Variants in TTC1 observed in about 807,000 individuals in gnomAD.
TTC1 encodes the protein tetratricopeptide repeat domain 1.
Under a neutral mutation model 37.6 loss-of-function variants are expected in TTC1, and 31 were observed. That is an observed-to-expected ratio of 0.82 (90% CI 0.62 to 1.11). TTC1 has a LOEUF of 1.11. Among genes scored for constraint, TTC1 ranks in the 50% most tolerant of loss-of-function variants. The probability of loss-of-function intolerance (pLI) is 0.00; values close to 1 mark genes in which losing one functional copy is unlikely to be tolerated. For synonymous variants in TTC1, 127 were observed against 122.4 expected (o/e 1.04, Z -0.25); for missense variants, 351 against 339.0 (o/e 1.04, Z -0.28).
At chr5:160,035,646 A>T (rs1170370832) in intron 3 of TTC1, among the ~76,000 whole-genome samples, 1 of 151,966 alleles carries the variant, frequency 6.6e-6, no homozygotes, top group African/African-American at 2.4e-5. Context: ...TCTTTTTTTA[A>T]ATTCTCCAAA....
At chr5:160,023,030 C>T (rs1265739451) in intron 2 of TTC1, among the ~76,000 whole-genome samples, 2 of 151,952 alleles carry the variant, frequency 1.3e-5, no homozygotes, top group South Asian at 2.1e-4. Flanking sequence ...CCGAGGTGGG[C>T]GGATCACCTG....
At chr5:160,011,832 CT>C (rs1756506839) in intron 2 of TTC1, among the ~76,000 whole-genome samples, 1 of 152,128 alleles carries the variant, frequency 6.6e-6, no homozygotes, top group Non-Finnish European at 1.5e-5. Context: ...AAGGAGCTCA[CT>C]CACTGAACAG....
intron 7 of TTC1, among the ~76,000 whole-genome samples, chr5:160,055,814 A>G (rs1160536874): frequency 6.6e-6 from 1 of 152,252 alleles, no homozygotes; most frequent in Non-Finnish European, 1.5e-5. Context: ...CAGCCATGGC[A>G]CTGAGTTTTA....
intron 2 of TTC1, among the ~76,000 whole-genome samples, chr5:160,017,907 A>G (rs1015058249): frequency 1.3e-5 from 2 of 152,210 alleles, no homozygotes; most frequent in African/African-American, 4.8e-5. Flanking sequence ...TGAGGGATAC[A>G]GTGGTGAACA....
intron 2 of TTC1, among the ~76,000 whole-genome samples, chr5:160,034,890 A>G (rs1478754542): frequency 6.6e-6 from 1 of 152,244 alleles, no homozygotes; most frequent in Non-Finnish European, 1.5e-5. Context: ...AGATAGAAAC[A>G]TAGAAAGCAA....
chr5:160,022,612 T>A (rs1756731215), intron 2 of TTC1, among the ~76,000 whole-genome samples: 1 of 152,138 alleles, frequency 6.6e-6, no homozygotes. Flanking sequence ...CAGATAGGGG[T>A]ACTATGTTAG....
intron 7 of TTC1, chr5:160,061,874 A>G (rs900481332): frequency 1.3e-5 from 2 of 152,338 alleles, no homozygotes; most frequent in African/African-American, 4.8e-5. Context: ...GGCTGTTGGC[A>G]GAGTTGGCAG....
At chr5:160,044,254 T>C (rs1395916463) in intron 5 of TTC1, among the ~76,000 whole-genome samples, 1 of 152,226 alleles carries the variant, frequency 6.6e-6, no homozygotes, top group East Asian at 1.9e-4. Flanking sequence ...AAAGGGGTCC[T>C]GATCCAGACC....
intron 1 of TTC1, among the ~76,000 whole-genome samples, chr5:160,010,257 CAAAAAAA>C (rs397882520): frequency 6.0e-5 from 3 of 50,320 alleles, no homozygotes; most frequent in Non-Finnish European, 1.2e-4. Flanking sequence ...GATTAAGTCT[CAAAAAAA>C]AAAAAAAAAA....
At chr5:160,033,125 G>A (rs1476766431) in intron 2 of TTC1, among the ~76,000 whole-genome samples, 1 of 152,056 alleles carries the variant, frequency 6.6e-6, no homozygotes, top group Non-Finnish European at 1.5e-5. Context: ...TTTTGCTTAA[G>A]ATAGTCTTTT....
chr5:160,052,436 A>G (rs1757425688), intron 7 of TTC1, among the ~76,000 whole-genome samples: 2 of 149,656 alleles, frequency 1.3e-5, no homozygotes, highest in Non-Finnish European at 3.0e-5. Context: ...GCAGTGAGCT[A>G]TGATGGTGCC....
chr5:160,056,028 G>A (rs965992315), intron 7 of TTC1, among the ~76,000 whole-genome samples: 1 of 152,204 alleles, frequency 6.6e-6, no homozygotes, highest in Non-Finnish European at 1.5e-5. Flanking sequence ...GCTGGGTAGG[G>A]ACTAGGTCCC....
intron 7 of TTC1, 123 bp downstream of exon 7, chr5:160,051,306 T>A: frequency 1.4e-6 from 1 of 723,812 alleles, no homozygotes; most frequent in Non-Finnish European, 2.2e-6. Context: ...GGCTACTGAC[T>A]TCTGAGTTAT....
At chr5:160,018,602 G>C (rs1347075280) in intron 2 of TTC1, among the ~76,000 whole-genome samples, 2 of 152,180 alleles carry the variant, frequency 1.3e-5, no homozygotes, top group African/African-American at 4.8e-5. Context: ...AGTAGGCAAG[G>C]GTCTGATTAT....
chr5:160,039,683 A>C (rs1757054199), intron 4 of TTC1, among the ~76,000 whole-genome samples: 1 of 152,218 alleles, frequency 6.6e-6, no homozygotes. Flanking sequence ...ACAGTTGTAC[A>C]CATAAATTGT....
Position 160,051,154 on chromosome 5 carries a change from G to A in TTC1, c.716G>A (p.Arg239His), listed in dbSNP as rs771367787. 2.0e-5 allele frequency: 32 copies of A among 1,606,206 alleles called. No homozygotes were observed. Among genetic ancestry groups the A allele is most frequent in the Admixed American group, 8.4e-5 (5 of 59,384 alleles). ...AGATTACCTAAGCAAATTGAAGAAC[G>A]TAATGAAAGACTAAAAGAAGAGATG... ...CMRLPKQIEE[R>H]NERLKEEMLG... Residue 239 changes from arginine to histidine, a missense_variant, in exon 7 of 8, where the codon CGT becomes CAT. By Grantham distance (29) the Arg-to-His change is conservative. Coordinates refer to ENST00000231238, the MANE Select transcript of TTC1 (RefSeq NM_003314.3).
At chr5:160,043,237 T>G (rs1319491472) in intron 5 of TTC1, 68 bp downstream of exon 5, 1 of 1,577,522 alleles carries the variant, frequency 6.3e-7, no homozygotes, top group Non-Finnish European at 8.7e-7. Flanking sequence ...GGGCTTTGGG[T>G]CAGGTGTGCA....
intron 2 of TTC1, among the ~76,000 whole-genome samples, chr5:160,030,923 C>A (rs1756897671): frequency 6.6e-6 from 1 of 152,166 alleles, no homozygotes; most frequent in Non-Finnish European, 1.5e-5. Context: ...GATAGTGCTG[C>A]AGAATATCAG....
intron 7 of TTC1, among the ~76,000 whole-genome samples, chr5:160,055,812 G>A (rs1406322031): frequency 6.6e-6 from 1 of 152,242 alleles, no homozygotes; most frequent in Non-Finnish European, 1.5e-5. Flanking sequence ...AGCAGCCATG[G>A]CACTGAGTTT....
Sources: gnomAD v4.1 joint callset for allele counts (sites outside exome capture counted in the v4.1 genomes callset) on GRCh38, gnomAD v4.1.1 for gene constraint, MANE v1.5 for transcripts, NCBI Gene and HGNC (gene_info 2026-07-23, HGNC 2026-07-21) for gene names.